VPS13B: variants seen among roughly 807,000 people sequenced by gnomAD.
VPS13B encodes the protein intermembrane lipid transfer protein VPS13B.
A neutral mutation model predicts 426.4 loss-of-function variants in VPS13B; 285 were observed. The observed-to-expected ratio is 0.67, with a 90% CI of 0.61 to 0.74. The LOEUF is 0.74. Ranked by LOEUF, VPS13B falls within the 30% of genes least tolerant of loss-of-function variation. The pLI, the probability that VPS13B is intolerant of heterozygous loss-of-function variation, is 0.00. For synonymous variants in VPS13B, 1,676 were observed against 1,676.4 expected (o/e 1.00, Z 0.01); for missense variants, 4,537 against 4,782.6 (o/e 0.95, Z 1.51).
At chr8:99,254,891 C>A (rs1272852837) in intron 17 of VPS13B, among the ~76,000 whole-genome samples, 1 of 152,124 alleles carries the variant, frequency 6.6e-6, no homozygotes, top group Non-Finnish European at 1.5e-5. Flanking sequence ...GATCCACCCA[C>A]CTTGGCCTCC....
chr8:99,694,750 G>A (rs546775174), intron 35 of VPS13B, among the ~76,000 whole-genome samples: 4 of 151,926 alleles, frequency 2.6e-5, no homozygotes, highest in Admixed American at 6.6e-5. Flanking sequence ...CACCATCAGA[G>A]TGAACAGGCA....
intron 3 of VPS13B, among the ~76,000 whole-genome samples, chr8:99,069,575 A>G (rs552944596): frequency 3.6e-4 from 55 of 152,222 alleles, no homozygotes; most frequent in Non-Finnish European, 5.4e-4. Flanking sequence ...TAATTTGTGT[A>G]TGTATGCATC....
At chr8:99,382,147 C>G (rs984944005) in intron 19 of VPS13B, among the ~76,000 whole-genome samples, 3 of 151,584 alleles carry the variant, frequency 2.0e-5, no homozygotes, top group Admixed American at 6.6e-5. Flanking sequence ...GGTGTGTGGT[C>G]TTTTTTCTTG....
intron 3 of VPS13B, among the ~76,000 whole-genome samples, chr8:99,048,906 T>G (rs1206214542): frequency 6.6e-6 from 1 of 152,218 alleles, no homozygotes; most frequent in Non-Finnish European, 1.5e-5. Context: ...CCTTTTATCA[T>G]TATATAATGT....
chr8:99,288,929 G>A (rs1027595877), intron 19 of VPS13B, among the ~76,000 whole-genome samples: 71 of 152,158 alleles, frequency 4.7e-4, no homozygotes, highest in African/African-American at 1.6e-3. Context: ...GGGTGTGGTA[G>A]TTCATGCCTA....
In VPS13B at chr8:99,642,036, A is replaced by G; in HGVS notation, c.5446A>G (p.Ile1816Val). The G allele has an allele frequency of 1.2e-6, 2 of 1,614,096 alleles. No homozygotes were observed. The highest frequency in any genetic ancestry group is 1.3e-5 in the African/African-American group (1 of 75,060). Residue 1816 changes from isoleucine to valine, a missense_variant, in exon 34 of 62, where the codon ATT (isoleucine) becomes GTT (valine). By Grantham distance (29) the Ile-to-Val change is conservative (BLOSUM62 3). Around this residue, in one of 2 missense-constraint regions of VPS13B, gnomAD observed 4,311 missense variants for 4,474.3 expected, o/e 0.96. Transcript: ENST00000357162. ...AAATTTTATTCCCTTTGACATATTT[A>G]TTACTGCAAGTAGAATCTCACTAAT... is the stretch of plus-strand genomic sequence containing the variant. ...NLNFIPFDIF[I>V]TASRISLMTY... is the part of the protein sequence containing the mutation.
chr8:99,568,441 C>A (rs1427996245), intron 31 of VPS13B, among the ~76,000 whole-genome samples: 1 of 151,976 alleles, frequency 6.6e-6, no homozygotes, highest in African/African-American at 2.4e-5. Context: ...CAGGCCCACG[C>A]CACCACGCCT....
rs1437463663 is a variant in VPS13B at position 99,871,660 on chromosome 8, T to A, written c.11708T>A (p.Val3903Glu). ...QDSKQNNLLT[V>E]QLKQPRVACD... ...AGCAAGCAGAACAACTTACTCACAGTGCAGCTCAAGCAGCCAAGAGTGGCC... is the reference window on the plus strand; with the variant it reads ...AGCAAGCAGAACAACTTACTCACAGAGCAGCTCAAGCAGCCAAGAGTGGCC... The change falls in exon 61 of 62, where the codon GTG (valine) becomes GAG (glutamate). Residue 3903 changes from valine (V) to glutamate (E), a missense_variant. By Grantham distance (121) the Val-to-Glu change is moderately radical. Transcript: ENST00000357162. 26 of 1,614,062 alleles carry A rather than the reference T, an allele frequency of 1.6e-5. No individual in the cohort carries two copies. Among genetic ancestry groups the A allele is most frequent in the Non-Finnish European group, 2.2e-5 (26 of 1,180,034 alleles).
intron 43 of VPS13B, among the ~76,000 whole-genome samples, chr8:99,802,318 C>G (rs1315652190): frequency 3.3e-5 from 5 of 152,106 alleles, no homozygotes; most frequent in Non-Finnish European, 5.9e-5. Flanking sequence ...ATGTCACCCT[C>G]TTGGCAAAGT....
At chr8:99,283,982 T>TAC (rs1347748168) in intron 19 of VPS13B, among the ~76,000 whole-genome samples, 6 of 152,274 alleles carry the variant, frequency 3.9e-5, no homozygotes, top group African/African-American at 1.4e-4. Flanking sequence ...TGCAAACACA[T>TAC]ACACACACAA....
In VPS13B at chr8:99,865,149, G is replaced by A. The variant is rs117077397; in HGVS notation, c.11216-3140G>A. ...TCCATGACAGTTTTCCAAGAGCAAC[G>A]GCTTTTGGAAAAACTCCGTTTAGCC... is the stretch of plus-strand genomic sequence containing the variant. On this transcript the variant is annotated intron_variant, in intron 58 of 61. Coordinates refer to ENST00000357162, the MANE Select transcript of VPS13B (RefSeq NM_152564.5). Among the ~76,000 whole-genome samples, 11 of 152,206 alleles carry A rather than the reference G, an allele frequency of 7.2e-5. No individual in the cohort carries two copies. The East Asian group carries it at 9.7e-4, about 13-fold the overall frequency.
intron 14 of VPS13B, 86 bp from the exon 15 acceptor site, chr8:99,156,463 T>C: frequency 7.6e-7 from 1 of 1,307,992 alleles, no homozygotes; most frequent in Non-Finnish European, 1.1e-6. Context: ...ACTGCAAATG[T>C]GCAGATCTGA....
intron 19 of VPS13B, among the ~76,000 whole-genome samples, chr8:99,335,040 T>A (rs569908336): frequency 3.3e-4 from 51 of 152,282 alleles, no homozygotes; most frequent in African/African-American, 1.2e-3. Context: ...TCAGCTCCTG[T>A]TATTGGTCTA....
intron 39 of VPS13B, among the ~76,000 whole-genome samples, chr8:99,733,809 G>A (rs1833699374): frequency 6.6e-6 from 1 of 152,168 alleles, no homozygotes. Flanking sequence ...CTACGTCAAA[G>A]TTAAAGGTCT....
intron 30 of VPS13B, among the ~76,000 whole-genome samples, chr8:99,550,397 G>T (rs1824217936): frequency 6.6e-6 from 1 of 151,138 alleles, no homozygotes. Context: ...GACTAGGAGA[G>T]ATTTTTTTTT....
At chr8:99,836,842 C>A (rs910658221) in intron 54 of VPS13B, among the ~76,000 whole-genome samples, 17 of 152,192 alleles carry the variant, frequency 1.1e-4, no homozygotes, top group Non-Finnish European at 2.4e-4. Context: ...CTAACCTTGA[C>A]AACAGCCATA....
chr8:99,030,159 T>C (rs1183684239), intron 2 of VPS13B, among the ~76,000 whole-genome samples: 1 of 131,072 alleles, frequency 7.6e-6, no homozygotes, highest in Non-Finnish European at 1.7e-5. Flanking sequence ...TTTTTTTACT[T>C]AATAGTATCC....
intron 35 of VPS13B, among the ~76,000 whole-genome samples, chr8:99,675,762 T>C (rs1479943206): frequency 6.6e-6 from 1 of 152,086 alleles, no homozygotes. Flanking sequence ...GCTCATTGTA[T>C]TTTTCAGCTG....
intron 61 of VPS13B, among the ~76,000 whole-genome samples, chr8:99,874,146 T>C (rs1817573260): frequency 6.6e-6 from 1 of 152,138 alleles, no homozygotes; most frequent in Non-Finnish European, 1.5e-5. Flanking sequence ...TCAAAATGAG[T>C]CAGAAGGTCA....
Sources: allele counts gnomAD v4.1 joint callset (sites outside exome capture counted in the v4.1 genomes callset), GRCh38; gene constraint gnomAD v4.1.1; regional missense constraint gnomAD v4.1.1; transcripts MANE v1.5; gene names NCBI Gene and HGNC (gene_info 2026-07-23, HGNC 2026-07-21).